SLCO1A2: variants seen among roughly 807,000 people sequenced by gnomAD.
SLCO1A2 encodes the protein solute carrier organic anion transporter family member 1A2, also known as OATP-1.
A neutral mutation model predicts 69.0 loss-of-function variants in SLCO1A2; 67 were observed. The ratio of observed to expected loss-of-function variants is 0.97; its 90% CI spans 0.80 to 1.19. The LOEUF (loss-of-function observed/expected upper bound fraction) is 1.19. Among genes scored for constraint, SLCO1A2 ranks in the 50% most tolerant of loss-of-function variants. The probability of loss-of-function intolerance (pLI) is 0.00; values close to 1 mark genes in which losing one functional copy is unlikely to be tolerated. For missense variants in SLCO1A2, 787 were observed against 793.7 expected, an observed-to-expected ratio of 0.99 and a Z score of 0.10; for synonymous variants, 260 against 265.9, an observed-to-expected ratio of 0.98 and a Z score of 0.22.
At chr12:21,327,666 T>A (rs1351764933) in intron 2 of SLCO1A2, among the ~76,000 whole-genome samples, 1 of 152,210 alleles carries the variant, frequency 6.6e-6, no homozygotes, top group African/African-American at 2.4e-5. Flanking sequence ...GCATGGGGCC[T>A]CCATCTTCTT....
intron 13 of SLCO1A2, chr12:21,274,961 CT>C (rs746516934): frequency 1.1e-4 from 118 of 1,028,918 alleles, no homozygotes; most frequent in Non-Finnish European, 1.3e-4. Flanking sequence ...CAGACAGGGC[CT>C]TTTCAAGTAA....
At chr12:21,371,117 G>A (rs929200460) in intron 2 of SLCO1A2, among the ~76,000 whole-genome samples, 16 of 152,262 alleles carry the variant, frequency 1.1e-4, no homozygotes, top group Admixed American at 2.6e-4. Flanking sequence ...TGGTTTATGC[G>A]GAAATTTCAA....
chr12:21,332,756 C>T (rs1280797906), intron 2 of SLCO1A2, among the ~76,000 whole-genome samples: 2 of 152,130 alleles, frequency 1.3e-5, no homozygotes, highest in Non-Finnish European at 2.9e-5. Flanking sequence ...TATAAAGCCA[C>T]TGAACCCATT....
chr12:21,274,360 C>A (rs894852504), intron 14 of SLCO1A2, 109 bp downstream of exon 14: 3 of 642,196 alleles, frequency 4.7e-6, no homozygotes, highest in South Asian at 4.6e-5. Context: ...CTGGAAATAA[C>A]CACAAAAGTA....
In SLCO1A2 at chr12:21,268,591, C is replaced by T. The variant is rs534393245; in HGVS notation, c.*957G>A. ...AAAATAATAATATAAGTAGATTTAG[C>T]TTTTAATATGTACCTTAGCCTTTAC... On this transcript the variant is annotated 3_prime_UTR_variant, in exon 15 of 15. Coordinates refer to ENST00000683939, the MANE Select transcript of SLCO1A2 (RefSeq NM_001386879.1). 1 of 152,118 alleles carries T rather than the reference C, an allele frequency of 6.6e-6. No individual in the cohort carries two copies. Among genetic ancestry groups the T allele is most frequent in the African/African-American group, 2.4e-5 (1 of 41,524 alleles). 9.4% of individuals were successfully genotyped at this position (152,118 alleles called of 1,614,324 possible).
In SLCO1A2 at chr12:21,269,444, T is replaced by C; in HGVS notation, c.*104A>G. ...TTGAGTTAAGAGGTTTTTTAGGTTC[T>C]TAAAGACAAGAAAAAGTTATCTATT... On this transcript the variant is annotated 3_prime_UTR_variant, in exon 15 of 15. Transcript: ENST00000683939. The C allele has an allele frequency of 1.3e-6, 1 of 774,572 alleles. No individual in the cohort carries two copies. The highest frequency in any genetic ancestry group is 2.2e-5 in the South Asian group (1 of 45,494). The allele number at this position is 774,572 out of a possible 1,614,324, so 48.0% of individuals were successfully genotyped here.
rs186382906 is a variant in SLCO1A2 at position 21,385,339 on chromosome 12, A to G, written c.-190+9567T>C. 4.0e-3 allele frequency among the ~76,000 whole-genome samples: 611 copies of G among 152,352 alleles called. 13 individuals are homozygous for G. Among genetic ancestry groups the G allele is most frequent in the Non-Finnish European group, 7.8e-4 (53 of 68,036 alleles). On this transcript the variant is annotated intron_variant, in intron 1 of 15. Transcript: ENST00000307378. Reference sequence around the variant, plus strand: ...CAGATCTTGAGCAGAAACTCTGTCCAGAATTTACTCCATAACCTTCTATAA... The same window carrying G: ...CAGATCTTGAGCAGAAACTCTGTCCGGAATTTACTCCATAACCTTCTATAA...
intron 1 of SLCO1A2, among the ~76,000 whole-genome samples, chr12:21,392,471 C>T (rs1408154788): frequency 6.6e-6 from 1 of 152,144 alleles, no homozygotes; most frequent in Non-Finnish European, 1.5e-5. Flanking sequence ...CTGCAGAGGA[C>T]AAATATAAAG....
chr12:21,309,059 T>TC (rs1445260490), intron 4 of SLCO1A2, among the ~76,000 whole-genome samples: 4 of 152,070 alleles, frequency 2.6e-5, no homozygotes, highest in Admixed American at 1.3e-4. Context: ...AAAGGGACAT[T>TC]CAAAGAATAA....
rs1223705314 is a variant in SLCO1A2, at chr12:21,269,461, TTATC to T, written c.*83_*86del. 5.4e-6 allele frequency: 5 copies of T among 924,314 alleles called. No individual in the cohort carries two copies. The highest frequency in any genetic ancestry group is 7.0e-4 in the Middle Eastern group (2 of 2,864). 57.3% of individuals were successfully genotyped at this position (924,314 alleles called of 1,614,324 possible). On this transcript the variant is annotated 3_prime_UTR_variant, in exon 15 of 15. Coordinates refer to ENST00000683939, the MANE Select transcript of SLCO1A2 (RefSeq NM_001386879.1). Reference sequence around the variant, plus strand: ...TTAGGTTCTTAAAGACAAGAAAAAGTTATCTATTATATCTCTACTGATTTTTAAA... The same window carrying T: ...TTAGGTTCTTAAAGACAAGAAAAAGTTATTATATCTCTACTGATTTTTAAA...
chr12:21,276,444 G>A (rs962067922), intron 12 of SLCO1A2, among the ~76,000 whole-genome samples: 1 of 148,900 alleles, frequency 6.7e-6, no homozygotes, highest in South Asian at 2.1e-4. Flanking sequence ...GTCCAAAATA[G>A]TGCAATAATT....
rs533978710 is a variant in SLCO1A2 at position 21,293,826 on chromosome 12, A to G, written c.1437+119T>C. On this transcript the variant is annotated intron_variant, in intron 11 of 14. Coordinates refer to ENST00000683939, the MANE Select transcript of SLCO1A2 (RefSeq NM_001386879.1). Reference sequence around the variant, plus strand: ...ATCATAGAGTTATTTTTCCACATACAAAAAAAGTAATATGGTTTTGAGGAA... The same window carrying G: ...ATCATAGAGTTATTTTTCCACATACGAAAAAAGTAATATGGTTTTGAGGAA... 114 of 771,314 alleles carry G rather than the reference A, an allele frequency of 1.5e-4. 1 individual carries two copies. The African/African-American group carries it at 1.5e-3, about 10-fold the overall frequency. The allele number at this position is 771,314 out of a possible 1,614,324, so 47.8% of individuals were successfully genotyped here.
chr12:21,340,769 T>G (rs1436722115), intron 2 of SLCO1A2, among the ~76,000 whole-genome samples: 4 of 151,898 alleles, frequency 2.6e-5, no homozygotes, highest in Non-Finnish European at 5.9e-5. Context: ...TTAAAATGAT[T>G]TACAATTAAG....
rs1164241819 is a variant in SLCO1A2 at position 21,293,942 on chromosome 12, T to C, written c.1437+3A>G. 3 of 1,604,020 alleles carry C rather than the reference T, an allele frequency of 1.9e-6. No homozygotes were observed. The highest frequency in any genetic ancestry group is 1.7e-5 in the Admixed American group (1 of 58,100). On this transcript the variant is annotated splice_donor_region_variant and intron_variant, in intron 11 of 14. Transcript: ENST00000683939. ...AAAAGTTCTGTCAAATAGGATGTCT[T>C]ACCATGTTTATTCCCGTTCCAATGG...
At chr12:21,375,784 T>C (rs1198830940) in intron 1 of SLCO1A2, among the ~76,000 whole-genome samples, 3 of 152,224 alleles carry the variant, frequency 2.0e-5, no homozygotes, top group Admixed American at 2.0e-4. Context: ...CTTTGGCTTA[T>C]TGTCATCTCT....
At chr12:21,293,335 C>CA (rs1565476946) in intron 11 of SLCO1A2, among the ~76,000 whole-genome samples, 2 of 151,890 alleles carry the variant, frequency 1.3e-5, no homozygotes, top group Admixed American at 6.6e-5. Flanking sequence ...TAGTTTCTTT[C>CA]AAAAAAAGAA....
intron 14 of SLCO1A2, among the ~76,000 whole-genome samples, chr12:21,271,890 ATATT>A (rs1942940516): frequency 6.7e-6 from 1 of 149,698 alleles, no homozygotes; most frequent in South Asian, 2.1e-4. Flanking sequence ...ATGTGTATAT[ATATT>A]TATACATTTA....
In SLCO1A2 at chr12:21,292,449, A is replaced by G. The variant is rs7977483; in HGVS notation, c.1438-113T>C. ...GGAGACTGCTTGTTCCCTTTACTCC[A>G]TCTCCATTATGATGTCTCTCAAGAT... On this transcript the variant is annotated intron_variant, in intron 11 of 14. Transcript: ENST00000683939. The G allele has an allele frequency of 0.015, 10,555 of 688,382 alleles. 777 individuals carry two copies. The African/African-American group carries it at 0.16, about 11-fold the overall frequency. 42.6% of individuals were successfully genotyped at this position (688,382 alleles called of 1,614,324 possible). A position where few individuals can be genotyped will look rare whatever the true frequency, so the allele number is the denominator to read the frequency against.
chr12:21,307,049 TG>T, intron 4 of SLCO1A2, 61 bp from the exon 5 acceptor site: 2 of 1,150,976 alleles, frequency 1.7e-6, no homozygotes, highest in Non-Finnish European at 2.6e-6. Context: ...ATGTGGGCAA[TG>T]TGCAGATTGT....
Sources: gnomAD v4.1 joint callset for allele counts (sites outside exome capture counted in the v4.1 genomes callset) on GRCh38, gnomAD v4.1.1 for gene constraint, MANE v1.5 for transcripts, NCBI Gene and HGNC (gene_info 2026-07-23, HGNC 2026-07-21) for gene names.